RIT2: variants seen among roughly 807,000 people sequenced by gnomAD.
RIT2 encodes the protein Ras like without CAAX 2.
A neutral mutation model predicts 23.7 loss-of-function variants in RIT2; 24 were observed. The ratio of observed to expected loss-of-function variants is 1.01; its 90% CI spans 0.73 to 1.43. RIT2 has a LOEUF of 1.43. RIT2 is among the 40% of genes most tolerant of loss of function. RIT2 has a pLI of 0.00. For synonymous variants in RIT2, 107 were observed against 91.1 expected (o/e 1.17, Z -0.99); for missense variants, 236 against 266.9 (o/e 0.88, Z 0.81).
chr18:43,086,623 C>T (rs1226942898), intron 1 of RIT2, among the ~76,000 whole-genome samples: 1 of 152,102 alleles, frequency 6.6e-6, no homozygotes, highest in Non-Finnish European at 1.5e-5. Flanking sequence ...CATCTCTCTC[C>T]ACAAAAGGCA....
At chr18:42,938,764 C>T (rs1004728251) in intron 3 of RIT2, among the ~76,000 whole-genome samples, 1 of 152,018 alleles carries the variant, frequency 6.6e-6, no homozygotes, top group Non-Finnish European at 1.5e-5. Context: ...TAAGAGACGG[C>T]ATCTTGCTCT....
intron 1 of RIT2, among the ~76,000 whole-genome samples, chr18:43,063,931 G>T (rs1912711768): frequency 6.6e-6 from 1 of 152,120 alleles, no homozygotes; most frequent in Non-Finnish European, 1.5e-5. Flanking sequence ...CAGAATTCCA[G>T]TGTCTTAAAA....
At chr18:42,779,604 T>A (rs572236700) in intron 4 of RIT2, among the ~76,000 whole-genome samples, 2 of 152,292 alleles carry the variant, frequency 1.3e-5, no homozygotes, top group South Asian at 4.1e-4. Context: ...TTTTATACTA[T>A]AATAACAGGA....
intron 4 of RIT2, among the ~76,000 whole-genome samples, chr18:42,851,637 G>A (rs974577338): frequency 1.3e-5 from 2 of 152,120 alleles, no homozygotes; most frequent in Non-Finnish European, 2.9e-5. Flanking sequence ...GGATCCCGAG[G>A]TCAGGAGATC....
intron 2 of RIT2, among the ~76,000 whole-genome samples, chr18:43,021,845 T>C (rs1911604790): frequency 2.0e-5 from 3 of 152,078 alleles, no homozygotes; most frequent in Non-Finnish European, 4.4e-5. Flanking sequence ...GTATTTTTTA[T>C]AGCAATGCAA....
At chr18:42,864,528 A>G (rs1057488881) in intron 4 of RIT2, among the ~76,000 whole-genome samples, 3 of 152,154 alleles carry the variant, frequency 2.0e-5, no homozygotes, top group African/African-American at 7.2e-5. Flanking sequence ...TTCAAACGAG[A>G]ATAGCACAGG....
At chr18:43,050,389 C>G (rs1912351843) in intron 1 of RIT2, among the ~76,000 whole-genome samples, 1 of 152,004 alleles carries the variant, frequency 6.6e-6, no homozygotes, top group African/African-American at 2.4e-5. Flanking sequence ...TATAAATAGA[C>G]ATTTCTGGGA....
intron 1 of RIT2, among the ~76,000 whole-genome samples, chr18:43,095,750 T>A (rs1913537475): frequency 6.6e-6 from 1 of 152,030 alleles, no homozygotes; most frequent in African/African-American, 2.4e-5. Context: ...CAAATGCAGA[T>A]TCTAAGTATT....
chr18:42,971,163 A>C (rs1343265060), intron 3 of RIT2, among the ~76,000 whole-genome samples: 1 of 152,038 alleles, frequency 6.6e-6, no homozygotes, highest in African/African-American at 2.4e-5. Flanking sequence ...AATAGTACCA[A>C]AAGACAACAA....
At chr18:43,062,657 C>A (rs1310328406) in intron 1 of RIT2, among the ~76,000 whole-genome samples, 1 of 152,076 alleles carries the variant, frequency 6.6e-6, no homozygotes, top group Non-Finnish European at 1.5e-5. Context: ...GTTTAAATAG[C>A]CTTTCTATCA....
At chr18:43,072,222 G>A (rs77335537) in intron 1 of RIT2, among the ~76,000 whole-genome samples, 1 of 152,170 alleles carries the variant, frequency 6.6e-6, no homozygotes, top group South Asian at 2.1e-4. Flanking sequence ...CTGACCTCAG[G>A]TGATTCACCC....
intron 1 of RIT2, among the ~76,000 whole-genome samples, chr18:43,046,548 G>A (rs1411120899): frequency 6.6e-6 from 1 of 152,158 alleles, no homozygotes; most frequent in African/African-American, 2.4e-5. Context: ...CAGAGGCCTT[G>A]GCTCCCTAGA....
intron 4 of RIT2, among the ~76,000 whole-genome samples, chr18:42,752,986 T>C (rs1913081627): frequency 6.6e-6 from 1 of 152,204 alleles, no homozygotes; most frequent in African/African-American, 2.4e-5. Flanking sequence ...TTTTAATATA[T>C]ATGACCTTTT....
intron 4 of RIT2, among the ~76,000 whole-genome samples, chr18:42,876,320 C>A (rs995324812): frequency 6.6e-6 from 1 of 151,148 alleles, no homozygotes; most frequent in Non-Finnish European, 1.5e-5. Context: ...CATTCTGAAA[C>A]CAAACATCAA....
At chr18:43,062,884 G>A (rs1031243186) in intron 1 of RIT2, among the ~76,000 whole-genome samples, 1 of 152,106 alleles carries the variant, frequency 6.6e-6, no homozygotes, top group African/African-American at 2.4e-5. Context: ...ACAGAAATAT[G>A]ATATGGAAAA....
chr18:42,846,553 G>A (rs945819160), intron 4 of RIT2, among the ~76,000 whole-genome samples: 1 of 151,616 alleles, frequency 6.6e-6, no homozygotes, highest in South Asian at 2.1e-4. Context: ...ATAAAATACT[G>A]GCAAACCAAA....
At chr18:43,021,220 C>T (rs963473052) in intron 2 of RIT2, among the ~76,000 whole-genome samples, 1 of 151,952 alleles carries the variant, frequency 6.6e-6, no homozygotes, top group Admixed American at 6.6e-5. Flanking sequence ...CAAATGAGCA[C>T]AGAACTCGAA....
chr18:42,827,932 G>C (rs1431527118), intron 4 of RIT2, among the ~76,000 whole-genome samples: 1 of 149,034 alleles, frequency 6.7e-6, no homozygotes, highest in African/African-American at 2.5e-5. Flanking sequence ...GCGAACCCGG[G>C]AGGCGGAGCT....
intron 2 of RIT2, among the ~76,000 whole-genome samples, chr18:42,987,325 C>T (rs1290354058): frequency 6.6e-6 from 1 of 152,134 alleles, no homozygotes; most frequent in African/African-American, 2.4e-5. Context: ...CAAGCATGTG[C>T]AGTATGGCTC....
Sources: allele counts gnomAD v4.1 joint callset (sites outside exome capture counted in the v4.1 genomes callset), GRCh38; gene constraint gnomAD v4.1.1; transcripts MANE v1.5; gene names NCBI Gene and HGNC (gene_info 2026-07-23, HGNC 2026-07-21).